Variants in DIAPH2 observed in about 807,000 individuals in gnomAD.
The protein encoded by DIAPH2 is diaphanous related formin 2.
DIAPH2 carries 35 observed loss-of-function variants against 92.7 expected under a neutral mutation model. That is an observed-to-expected ratio of 0.38 (90% CI 0.29 to 0.50). The LOEUF (loss-of-function observed/expected upper bound fraction) is 0.50, where lower values mean the gene tolerates loss of function less well. Among genes scored for constraint, DIAPH2 ranks in the 20% least tolerant of loss-of-function variants. DIAPH2 has a pLI of 0.94. For synonymous variants in DIAPH2, 301 were observed against 280.4 expected, an observed-to-expected ratio of 1.07 and a Z score of -0.73; for missense variants, 701 against 819.5, an observed-to-expected ratio of 0.86 and a Z score of 1.77.
At chrX:97,281,383 G>C (rs752315205) in intron 23 of DIAPH2, among the ~76,000 whole-genome samples, 21 of 111,048 alleles carry the variant, frequency 1.9e-4, no homozygotes, top group Non-Finnish European at 3.6e-4. Context: ...AAATTCATGG[G>C]TAGATCATTT....
chrX:97,340,692 G>A (rs1222366717), intron 23 of DIAPH2, among the ~76,000 whole-genome samples: 4 of 95,951 alleles, frequency 4.2e-5, no homozygotes, highest in Non-Finnish European at 8.2e-5. Context: ...GCCTCGCTCT[G>A]TCGCTCAGGC....
chrX:96,906,962 A>G (rs574584695), intron 5 of DIAPH2, among the ~76,000 whole-genome samples: 9 of 111,615 alleles, frequency 8.1e-5, no homozygotes, highest in African/African-American at 2.9e-4. Flanking sequence ...TCACTCAAAC[A>G]TTAATCTTCC....
At chrX:97,328,296 A>G (rs2068968587) in intron 23 of DIAPH2, among the ~76,000 whole-genome samples, 1 of 110,617 alleles carries the variant, frequency 9.0e-6, no homozygotes, top group African/African-American at 3.3e-5. Flanking sequence ...TTAGCCATGC[A>G]TGGTGGCGCA....
At chrX:97,380,094 A>G (rs1038884054) in intron 24 of DIAPH2, among the ~76,000 whole-genome samples, 4 of 110,512 alleles carry the variant, frequency 3.6e-5, no homozygotes, top group African/African-American at 1.3e-4. Flanking sequence ...TAGAGGTTTC[A>G]GTGAGAGATT....
At chrX:96,724,172 C>T (rs775536557) in intron 1 of DIAPH2, among the ~76,000 whole-genome samples, 1 of 110,521 alleles carries the variant, frequency 9.0e-6, no homozygotes, top group East Asian at 2.8e-4. Flanking sequence ...GTGATCCGCC[C>T]GCCTCCGCCT....
intron 17 of DIAPH2, among the ~76,000 whole-genome samples, chrX:96,977,778 G>A (rs2065971518): frequency 9.1e-6 from 1 of 110,191 alleles, no homozygotes; most frequent in Admixed American, 9.7e-5. Flanking sequence ...CTGCCTCCCG[G>A]GTTCAAGCAG....
At chrX:97,543,680 AT>A (rs2071158423) in intron 26 of DIAPH2, among the ~76,000 whole-genome samples, 1 of 109,001 alleles carries the variant, frequency 9.2e-6, no homozygotes, top group African/African-American at 3.3e-5. Context: ...AATTTTTTAT[AT>A]TTTTGGTAGA....
chrX:96,952,627 C>T (rs1035495681), intron 15 of DIAPH2, among the ~76,000 whole-genome samples: 4 of 110,146 alleles, frequency 3.6e-5, no homozygotes, highest in East Asian at 2.9e-4. Context: ...CCCAGCTACT[C>T]GGGAGGCTGG....
At chrX:97,433,860 C>A (rs1002539238) in intron 26 of DIAPH2, among the ~76,000 whole-genome samples, 6 of 111,753 alleles carry the variant, frequency 5.4e-5, no homozygotes, top group African/African-American at 2.0e-4. Flanking sequence ...AAGTATCATA[C>A]AAGAGGTGTT....
intron 23 of DIAPH2, among the ~76,000 whole-genome samples, chrX:97,306,048 GAAAA>G (rs11442631): frequency 1.0e-5 from 1 of 98,599 alleles, no homozygotes; most frequent in African/African-American, 3.7e-5. Flanking sequence ...AAAGTATAAA[GAAAA>G]AAAAAAAACC....
chrX:97,342,149 G>A (rs1232255610), intron 23 of DIAPH2, among the ~76,000 whole-genome samples: 1 of 112,012 alleles, frequency 8.9e-6, no homozygotes, highest in Non-Finnish European at 1.9e-5. Flanking sequence ...TTGATGAAAC[G>A]AGGGGATTAA....
intron 23 of DIAPH2, among the ~76,000 whole-genome samples, chrX:97,337,820 A>G (rs1475895822): frequency 9.1e-6 from 1 of 109,668 alleles, no homozygotes; most frequent in Non-Finnish European, 1.9e-5. Flanking sequence ...TCCTCACCCA[A>G]ACTGCTCTGA....
chrX:97,523,520 C>T (rs1404268690), intron 26 of DIAPH2, among the ~76,000 whole-genome samples: 1 of 111,615 alleles, frequency 9.0e-6, no homozygotes, highest in Non-Finnish European at 1.9e-5. Context: ...ATACCGTATG[C>T]CAAGGGAAAT....
At chrX:97,416,446 G>C (rs774184227) in intron 25 of DIAPH2, among the ~76,000 whole-genome samples, 17 of 112,436 alleles carry the variant, frequency 1.5e-4, no homozygotes, top group African/African-American at 5.2e-4. Context: ...CCAAAAGGCT[G>C]TTCTGTGCTG....
At chrX:97,379,220 G>A (rs1357480273) in intron 24 of DIAPH2, among the ~76,000 whole-genome samples, 3 of 111,286 alleles carry the variant, frequency 2.7e-5, no homozygotes. Context: ...ATAGTTATGA[G>A]GGTAGATAGT....
intron 3 of DIAPH2, among the ~76,000 whole-genome samples, chrX:96,741,535 G>A (rs137971370): frequency 0.056 from 5,890 of 104,936 alleles, 200 homozygotes; most frequent in Middle Eastern, 0.16. Flanking sequence ...GAGTGCAGTG[G>A]CATAATTATG....
At chrX:96,772,014 G>A (rs2064342294) in intron 4 of DIAPH2, among the ~76,000 whole-genome samples, 1 of 110,160 alleles carries the variant, frequency 9.1e-6, no homozygotes, top group Non-Finnish European at 1.9e-5. Flanking sequence ...TCAAGCCTGG[G>A]TGACACAGTT....
At chrX:97,541,682 C>T (rs192433604) in intron 26 of DIAPH2, among the ~76,000 whole-genome samples, 1 of 112,016 alleles carries the variant, frequency 8.9e-6, no homozygotes, top group Non-Finnish European at 1.9e-5. Flanking sequence ...TGATTGTTCT[C>T]TTTTCCTGTG....
chrX:97,319,413 G>T (rs2068871089), intron 23 of DIAPH2, among the ~76,000 whole-genome samples: 1 of 107,092 alleles, frequency 9.3e-6, no homozygotes, highest in Non-Finnish European at 1.9e-5. Flanking sequence ...TTTTGAGACG[G>T]AGTCTCGCTC....
Sources: gnomAD v4.1 joint callset for allele counts (sites outside exome capture counted in the v4.1 genomes callset) on GRCh38, gnomAD v4.1.1 for gene constraint, MANE v1.5 for transcripts, NCBI Gene and HGNC (gene_info 2026-07-23, HGNC 2026-07-21) for gene names.